Variants in DNAJC10 observed in about 807,000 individuals in gnomAD.
The protein encoded by DNAJC10 is DnaJ heat shock protein family (Hsp40) member C10, also known as endoplasmic reticulum disulfide reductase DNAJC10.
DNAJC10 carries 101 observed loss-of-function variants against 115.0 expected under a neutral mutation model. The observed-to-expected ratio is 0.88, with a 90% CI of 0.75 to 1.04. The LOEUF (loss-of-function observed/expected upper bound fraction) is 1.04, where lower values mean the gene tolerates loss of function less well. Among genes scored for constraint, DNAJC10 ranks in the 50% least tolerant of loss-of-function variants. DNAJC10 has a pLI of 0.00. For missense variants in DNAJC10, 981 were observed against 928.8 expected (o/e 1.06, Z -0.73); for synonymous variants, 307 against 301.5 (o/e 1.02, Z -0.19).
intron 22 of DNAJC10, among the ~76,000 whole-genome samples, chr2:182,767,985 G>A (rs549071748): frequency 1.4e-4 from 21 of 152,188 alleles, no homozygotes; most frequent in African/African-American, 4.6e-4. Context: ...ATGTACATAC[G>A]TATGAATATG....
At position 182,788,714 on chromosome 2, in the gene DNAJC10, CAG is replaced by C. The variant is rs1234259061; in HGVS notation, c.*11585_*11586del. ...CAGCACAAGTAACGTCTATTTATCT[CAG>C]AGGAAATCCAGGGAAGTTCCTACTT... On this transcript the variant is annotated 3_prime_UTR_variant, in exon 24 of 24. Transcript: ENST00000264065. 3 of 426,714 alleles carry C rather than the reference CAG, an allele frequency of 7.0e-6. No individual in the cohort carries two copies. Among genetic ancestry groups the C allele is most frequent in the African/African-American group, 4.1e-5 (2 of 48,258 alleles). 26.4% of individuals were successfully genotyped at this position (426,714 alleles called of 1,614,324 possible). A position where few individuals can be genotyped will look rare whatever the true frequency, so the allele number is the denominator to read the frequency against.
At chr2:182,765,028 G>C (rs910156249) in intron 22 of DNAJC10, among the ~76,000 whole-genome samples, 1 of 152,134 alleles carries the variant, frequency 6.6e-6, no homozygotes, top group African/African-American at 2.4e-5. Context: ...CCACTGGATG[G>C]CCTCACACTT....
chr2:182,781,653 A>G lies in DNAJC10; in HGVS notation c.*4521A>G, dbSNP rs1434239358. On this transcript the variant is annotated 3_prime_UTR_variant, in exon 24 of 24. Coordinates refer to ENST00000264065, the MANE Select transcript of DNAJC10 (RefSeq NM_018981.4). ...GTTTCCTCACTTTTTAATGATCGCC[A>G]TTCTAACTGATGTGACATGGTATCT... The G allele has an allele frequency of 2.0e-5, 3 of 152,142 alleles. No homozygotes were observed. The highest frequency in any genetic ancestry group is 4.4e-5 in the Non-Finnish European group (3 of 68,030). The allele number at this position is 152,142 out of a possible 1,614,324, so 9.4% of individuals were successfully genotyped here. A position where few individuals can be genotyped will look rare whatever the true frequency, so the allele number is the denominator to read the frequency against.
Position 182,720,005 on chromosome 2 carries a change from A to G in DNAJC10, c.205-2A>G. Reference sequence around the variant, plus strand: ...TGTATTATATCTAATATTTTTTAACAGAATAACCCAAATGCACATGGCGAT... The same window carrying G: ...TGTATTATATCTAATATTTTTTAACGGAATAACCCAAATGCACATGGCGAT... On this transcript the variant is annotated splice_acceptor_variant, in intron 3 of 23. Transcript: ENST00000264065. LOFTEE classifies it high-confidence loss of function. 6.8e-7 allele frequency: 1 copy of G among 1,479,700 alleles called. No individual in the cohort carries two copies. The highest frequency in any genetic ancestry group is 2.3e-5 in the East Asian group (1 of 44,170). 91.7% of individuals were successfully genotyped at this position (1,479,700 alleles called of 1,614,324 possible).
At chr2:182,775,914 G>C (rs1230396730) in intron 23 of DNAJC10, among the ~76,000 whole-genome samples, 3 of 152,188 alleles carry the variant, frequency 2.0e-5, no homozygotes, top group Admixed American at 2.0e-4. Flanking sequence ...CATAGGGACA[G>C]AACGTAGGTT....
At position 182,741,255 on chromosome 2, in the gene DNAJC10, C is replaced by A. The variant is rs138024183; in HGVS notation, c.1090C>A (p.His364Asn). The change falls in exon 13 of 24, where the codon CAT becomes AAT. Residue 364 changes from histidine to asparagine, a missense_variant. Transcript: ENST00000264065. ...SANTLEDRLA[H>N]HRWLLFFHFG... is the part of the protein sequence containing the mutation. ...TATCACTTTTAAGGATCGTTTGGCT[C>A]ATCATCGGTGGCTGTTATTTTTTCA... 2 of 1,601,104 alleles carry A rather than the reference C, an allele frequency of 1.2e-6. No individual in the cohort carries two copies. The highest frequency in any genetic ancestry group is 8.5e-7 in the Non-Finnish European group (1 of 1,174,230).
intron 22 of DNAJC10, among the ~76,000 whole-genome samples, chr2:182,771,662 T>C (rs1443418623): frequency 3.3e-5 from 5 of 152,206 alleles, no homozygotes; most frequent in Non-Finnish European, 1.5e-5. Flanking sequence ...TTCTGTGGGA[T>C]TGGTGGTGAT....
intron 6 of DNAJC10, 71 bp downstream of exon 6, chr2:182,728,729 T>A (rs1470787458): frequency 6.6e-7 from 1 of 1,508,120 alleles, no homozygotes; most frequent in Non-Finnish European, 9.1e-7. Flanking sequence ...TTAGAATTTT[T>A]TTTTCTATGA....
chr2:182,762,331 A>G (rs1016877394), intron 21 of DNAJC10, among the ~76,000 whole-genome samples: 1 of 152,090 alleles, frequency 6.6e-6, no homozygotes, highest in African/African-American at 2.4e-5. Flanking sequence ...AGAGTGCCCA[A>G]AGAGTCCTAC....
In DNAJC10 at chr2:182,783,032, G is replaced by C. The variant is rs908102233; in HGVS notation, c.*5900G>C. 6.6e-6 allele frequency: 1 copy of C among 152,222 alleles called. No individual in the cohort carries two copies. The highest frequency in any genetic ancestry group is 1.9e-4 in the East Asian group (1 of 5,176). The allele number at this position is 152,222 out of a possible 1,614,324, so 9.4% of individuals were successfully genotyped here. A position where few individuals can be genotyped will look rare whatever the true frequency, so the allele number is the denominator to read the frequency against. ...GCTTTTGCCCATTCAGTATGATATT[G>C]GCTGTGGTTTTGTCATAAATAGCTC... On this transcript the variant is annotated 3_prime_UTR_variant, in exon 24 of 24. Transcript: ENST00000264065.
chr2:182,739,208 T>TTA (rs1203668976), intron 11 of DNAJC10, among the ~76,000 whole-genome samples: 1 of 144,572 alleles, frequency 6.9e-6, no homozygotes, highest in African/African-American at 2.5e-5. Flanking sequence ...TTATATATAT[T>TTA]TATATATATA....
Position 182,791,704 on chromosome 2 carries a change from A to G in DNAJC10, c.*14572A>G, listed in dbSNP as rs1315801559. The G allele has an allele frequency of 6.6e-6, 1 of 152,162 alleles. No individual in the cohort carries two copies. Among genetic ancestry groups the G allele is most frequent in the African/African-American group, 2.4e-5 (1 of 41,448 alleles). 9.4% of individuals were successfully genotyped at this position (152,162 alleles called of 1,614,324 possible). A position where few individuals can be genotyped will look rare whatever the true frequency, so the allele number is the denominator to read the frequency against. ...AATAAATCCAGTATTTGGGCATACA[A>G]ACTGTATACAACATTTTATAACACT... On this transcript the variant is annotated 3_prime_UTR_variant, in exon 24 of 24. Coordinates refer to ENST00000264065, the MANE Select transcript of DNAJC10 (RefSeq NM_018981.4).
rs1490541266 is a variant in DNAJC10, at chr2:182,717,085, A to T, written c.-147+13A>T. The T allele has an allele frequency of 9.2e-5, 14 of 152,216 alleles. No homozygotes were observed. The highest frequency in any genetic ancestry group is 4.4e-5 in the Non-Finnish European group (3 of 68,040). The allele number at this position is 152,216 out of a possible 1,614,324, so 9.4% of individuals were successfully genotyped here. A position where few individuals can be genotyped will look rare whatever the true frequency, so the allele number is the denominator to read the frequency against. On this transcript the variant is annotated intron_variant, in intron 2 of 23. Transcript: ENST00000264065. ...AGACCATTCACAGGTAAAGAGAAAA[A>T]TTTTTAAATATACATTTAGGATTAA...
chr2:182,735,014 T>G (rs1693549684), intron 10 of DNAJC10, among the ~76,000 whole-genome samples: 1 of 151,676 alleles, frequency 6.6e-6, no homozygotes, highest in Non-Finnish European at 1.5e-5. Flanking sequence ...TCTTAGTCCA[T>G]TTACATTTAA....
rs1694758140 is a variant in DNAJC10 at position 182,778,145 on chromosome 2, T to C, written c.*1013T>C. On this transcript the variant is annotated 3_prime_UTR_variant, in exon 24 of 24. Coordinates refer to ENST00000264065, the MANE Select transcript of DNAJC10 (RefSeq NM_018981.4). The stretch of plus-strand genomic sequence containing the variant: ...GTATCCTTTATTTACATTGGGTTTT[T>C]CTTTCGTAGTTTTGGTTTTTCACTC... 6.6e-6 allele frequency: 1 copy of C among 152,174 alleles called. No homozygotes were observed. Among genetic ancestry groups the C allele is most frequent in the Non-Finnish European group, 1.5e-5 (1 of 68,016 alleles). The allele number at this position is 152,174 out of a possible 1,614,324, so 9.4% of individuals were successfully genotyped here.
intron 11 of DNAJC10, among the ~76,000 whole-genome samples, chr2:182,739,370 CTG>C (rs1160365317): frequency 6.6e-6 from 1 of 151,486 alleles, no homozygotes; most frequent in East Asian, 1.9e-4. Context: ...CATGATTAAA[CTG>C]TGGATTCCAT....
rs1028182871 is a variant in DNAJC10, at chr2:182,783,078, C to T, written c.*5946C>T. ...AGCTCTTATTATTTTGAGATATGTT[C>T]CATCATATCTAGTTTTTTGAGTGTT... On this transcript the variant is annotated 3_prime_UTR_variant, in exon 24 of 24. Transcript: ENST00000264065. 2.0e-5 allele frequency: 3 copies of T among 152,138 alleles called. No individual in the cohort carries two copies. The highest frequency in any genetic ancestry group is 7.2e-5 in the African/African-American group (3 of 41,498). The allele number at this position is 152,138 out of a possible 1,614,324, so 9.4% of individuals were successfully genotyped here. A position where few individuals can be genotyped will look rare whatever the true frequency, so the allele number is the denominator to read the frequency against.
At chr2:182,743,548 CA>C (rs1693789403) in intron 13 of DNAJC10, 49 bp from the exon 14 acceptor site, 3 of 1,339,712 alleles carry the variant, frequency 2.2e-6, no homozygotes, top group African/African-American at 2.9e-5. Flanking sequence ...ATTTACAAAT[CA>C]AATGGGTAAG....
chr2:182,754,954 A>T (rs1450043901), intron 16 of DNAJC10, 49 bp from the exon 17 acceptor site: 1 of 1,390,112 alleles, frequency 7.2e-7, no homozygotes, highest in Non-Finnish European at 1.0e-6. Flanking sequence ...ATTTGTAACA[A>T]ATAGGTGAAA....
Sources: gnomAD v4.1 joint callset for allele counts (sites outside exome capture counted in the v4.1 genomes callset) on GRCh38, gnomAD v4.1.1 for gene constraint, MANE v1.5 for transcripts, NCBI Gene and HGNC (gene_info 2026-07-23, HGNC 2026-07-21) for gene names.